The following FBXL17 variants were observed in gnomAD, a reference collection of about 807,000 sequenced individuals.
The protein encoded by FBXL17 is F-box and leucine rich repeat protein 17, also known as F-box/LRR-repeat protein 17.
In FBXL17, 22 loss-of-function variants were observed where a neutral mutation model predicts 66.2. That is an observed-to-expected ratio of 0.33 (90% CI 0.24 to 0.47). The LOEUF (loss-of-function observed/expected upper bound fraction) is 0.47, where lower values mean the gene tolerates loss of function less well. Among genes scored for constraint, FBXL17 ranks in the 20% least tolerant of loss-of-function variants. The pLI, the probability that FBXL17 is intolerant of heterozygous loss-of-function variation, is 1.00. For synonymous variants in FBXL17, 474 were observed against 400.5 expected (o/e 1.18, Z -2.19); for missense variants, 878 against 948.2 (o/e 0.93, Z 0.97).
intron 6 of FBXL17, among the ~76,000 whole-genome samples, chr5:108,032,984 G>A (rs1244684305): frequency 6.6e-6 from 1 of 152,142 alleles, no homozygotes; most frequent in Middle Eastern, 3.2e-3. Flanking sequence ...CCTATACTTA[G>A]AGAACGCTAC....
At chr5:107,953,070 A>G (rs1337616069) in intron 7 of FBXL17, among the ~76,000 whole-genome samples, 1 of 143,980 alleles carries the variant, frequency 6.9e-6, no homozygotes, top group African/African-American at 2.6e-5. Flanking sequence ...TTAAAGGTAC[A>G]AGGAATTTCA....
At chr5:107,999,143 TCA>T (rs746865996) in intron 7 of FBXL17, among the ~76,000 whole-genome samples, 3 of 152,194 alleles carry the variant, frequency 2.0e-5, no homozygotes, top group Admixed American at 6.5e-5. Flanking sequence ...ATTCCACCTG[TCA>T]TATTATGTTA....
chr5:108,278,313 A>G (rs1288257493), intron 4 of FBXL17, among the ~76,000 whole-genome samples: 1 of 152,214 alleles, frequency 6.6e-6, no homozygotes, highest in Non-Finnish European at 1.5e-5. Flanking sequence ...AAGAAACAGT[A>G]AGATGCTATT....
At chr5:108,307,739 A>G (rs1389722598) in intron 4 of FBXL17, among the ~76,000 whole-genome samples, 3 of 152,122 alleles carry the variant, frequency 2.0e-5, no homozygotes, top group Non-Finnish European at 4.4e-5. Flanking sequence ...TGTATGAGAG[A>G]GCCTGTACAA....
chr5:108,117,261 T>C (rs536801240), intron 6 of FBXL17, among the ~76,000 whole-genome samples: 1 of 152,314 alleles, frequency 6.6e-6, no homozygotes, highest in Non-Finnish European at 1.5e-5. Flanking sequence ...TCCCAGAGAT[T>C]GAGAGTGCTT....
At chr5:108,034,773 T>G (rs1746778546) in intron 6 of FBXL17, among the ~76,000 whole-genome samples, 1 of 152,182 alleles carries the variant, frequency 6.6e-6, no homozygotes, top group Non-Finnish European at 1.5e-5. Context: ...ACTGCAAAGT[T>G]AAAAACTGTA....
At chr5:108,267,221 G>A (rs547267400) in intron 4 of FBXL17, among the ~76,000 whole-genome samples, 3 of 151,780 alleles carry the variant, frequency 2.0e-5, no homozygotes, top group South Asian at 2.1e-4. Context: ...AAATAATAAC[G>A]AAAAATCAAA....
At chr5:108,027,387 T>C (rs933308117) in intron 6 of FBXL17, among the ~76,000 whole-genome samples, 2 of 152,190 alleles carry the variant, frequency 1.3e-5, no homozygotes, top group African/African-American at 4.8e-5. Flanking sequence ...TCTTGCTTTT[T>C]AATTTTAGCC....
intron 7 of FBXL17, among the ~76,000 whole-genome samples, chr5:107,885,461 T>G (rs1427947490): frequency 6.6e-6 from 1 of 152,226 alleles, no homozygotes; most frequent in Non-Finnish European, 1.5e-5. Flanking sequence ...ATATACAAGT[T>G]TATTTATTGG....
chr5:108,176,198 C>G (rs900197995), intron 6 of FBXL17, among the ~76,000 whole-genome samples: 5 of 152,074 alleles, frequency 3.3e-5, no homozygotes, highest in East Asian at 1.9e-4. Flanking sequence ...GGGCTTATAA[C>G]GCCATATTCA....
chr5:107,998,050 T>C (rs1329827884), intron 7 of FBXL17, among the ~76,000 whole-genome samples: 1 of 152,202 alleles, frequency 6.6e-6, no homozygotes, highest in East Asian at 1.9e-4. Context: ...AATTGAGATG[T>C]GCTGTAAATG....
At chr5:108,052,793 A>T (rs906969258) in intron 6 of FBXL17, among the ~76,000 whole-genome samples, 1 of 152,216 alleles carries the variant, frequency 6.6e-6, no homozygotes, top group Admixed American at 6.5e-5. Context: ...CTGAATTCAA[A>T]CTAAACTACA....
Position 108,344,561 on chromosome 5 carries a change from C to A in FBXL17, c.1506+3838G>T, listed in dbSNP as rs188604536. Among the ~76,000 whole-genome samples the A allele has an allele frequency of 2.6e-5, 4 of 152,260 alleles. No homozygotes were observed. In the East Asian group the frequency reaches 7.7e-4, roughly 29 times the overall value. ...ACATCAAAAATACTCTGACATAGGGCATAGCACAGAAGCTATTTTTAGAAT... is the reference window on the plus strand; with the variant it reads ...ACATCAAAAATACTCTGACATAGGGAATAGCACAGAAGCTATTTTTAGAAT... On this transcript the variant is annotated intron_variant, in intron 4 of 8. Coordinates refer to ENST00000542267, the MANE Select transcript of FBXL17 (RefSeq NM_001163315.3).
At chr5:108,106,035 A>G (rs1749782365) in intron 6 of FBXL17, among the ~76,000 whole-genome samples, 1 of 152,168 alleles carries the variant, frequency 6.6e-6, no homozygotes, top group Admixed American at 6.5e-5. Flanking sequence ...TGAAGCTCAC[A>G]GAAGTGAAGA....
At chr5:107,902,451 A>C (rs1302805565) in intron 7 of FBXL17, among the ~76,000 whole-genome samples, 1 of 152,218 alleles carries the variant, frequency 6.6e-6, no homozygotes. Context: ...AGCTCAGAGT[A>C]TCAGAGACAC....
intron 1 of FBXL17, among the ~76,000 whole-genome samples, chr5:108,378,643 C>A (rs991244619): frequency 6.6e-6 from 1 of 152,180 alleles, no homozygotes. Context: ...AACAGCAACT[C>A]CAGTCAGAAT....
At chr5:107,926,142 C>A (rs544329957) in intron 7 of FBXL17, among the ~76,000 whole-genome samples, 40 of 152,226 alleles carry the variant, frequency 2.6e-4, no homozygotes, top group Non-Finnish European at 3.4e-4. Context: ...TAGAAAAGTA[C>A]CTAAACATAT....
intron 4 of FBXL17, chr5:108,299,907 T>C: frequency 1.3e-6 from 1 of 779,058 alleles, no homozygotes; most frequent in South Asian, 5.8e-5. Flanking sequence ...AAATGATGGG[T>C]AAATAAAGCT....
chr5:108,030,377 CA>C (rs1361007635), intron 6 of FBXL17, among the ~76,000 whole-genome samples: 1 of 152,066 alleles, frequency 6.6e-6, no homozygotes, highest in Non-Finnish European at 1.5e-5. Flanking sequence ...AAAAGCAAGA[CA>C]GTAAGTAAAC....
Sources: allele counts gnomAD v4.1 joint callset (sites outside exome capture counted in the v4.1 genomes callset), GRCh38; gene constraint gnomAD v4.1.1; transcripts MANE v1.5; gene names NCBI Gene and HGNC (gene_info 2026-07-23, HGNC 2026-07-21).